FNDC7: variants seen among roughly 807,000 people sequenced by gnomAD.
FNDC7 encodes fibronectin type III domain-containing protein 7.
A neutral mutation model predicts 74.2 loss-of-function variants in FNDC7; 66 were observed. The observed-to-expected ratio is 0.89, with a 90% confidence interval of 0.73 to 1.09. The LOEUF (loss-of-function observed/expected upper bound fraction) is 1.09, where lower values mean the gene tolerates loss of function less well. FNDC7 is among the 50% of genes least tolerant of loss of function. The probability of loss-of-function intolerance (pLI) is 0.00; values close to 1 mark genes in which losing one functional copy is unlikely to be tolerated. For missense variants in FNDC7, 829 were observed against 893.4 expected, an observed-to-expected ratio of 0.93 and a Z score of 0.92; for synonymous variants, 307 against 330.2, an observed-to-expected ratio of 0.93 and a Z score of 0.76.
At chr1:108,740,386 G>C (rs535866069) in intron 11 of FNDC7, among the ~76,000 whole-genome samples, 11 of 137,014 alleles carry the variant, frequency 8.0e-5, no homozygotes, top group African/African-American at 3.0e-4. Context: ...GGAGTGCAGT[G>C]GTGCAATCTC....
At chr1:108,738,343 C>T (rs1428840211) in intron 11 of FNDC7, among the ~76,000 whole-genome samples, 2 of 152,040 alleles carry the variant, frequency 1.3e-5, no homozygotes, top group Admixed American at 6.6e-5. Context: ...TTTTGGTTGC[C>T]CCCACAGAGA....
At chr1:108,723,697 A>G (rs547056652) in intron 5 of FNDC7, among the ~76,000 whole-genome samples, 1 of 152,328 alleles carries the variant, frequency 6.6e-6, no homozygotes, top group African/African-American at 2.4e-5. Flanking sequence ...AGCAGTTCTG[A>G]GTTACGCAGT....
chr1:108,733,649 C>CTTTTTTT (rs397981150), intron 10 of FNDC7, 117 bp downstream of exon 10: 5 of 614,332 alleles, frequency 8.1e-6, no homozygotes, highest in Admixed American at 3.8e-5. Flanking sequence ...AAATTTCTTT[C>CTTTTTTT]TTTTTTTTTT....
intron 2 of FNDC7, among the ~76,000 whole-genome samples, chr1:108,715,767 A>G (rs1660959346): frequency 6.6e-6 from 1 of 152,230 alleles, no homozygotes; most frequent in Non-Finnish European, 1.5e-5. Flanking sequence ...TTTAAATTTC[A>G]AAGTAAATCC....
chr1:108,735,715 T>C (rs996400437), intron 10 of FNDC7, among the ~76,000 whole-genome samples: 12 of 152,262 alleles, frequency 7.9e-5, no homozygotes, highest in South Asian at 2.1e-4. Flanking sequence ...TTTGTACTTA[T>C]AGTACATTTA....
At chr1:108,731,155 C>G (rs1345525527) in intron 9 of FNDC7, among the ~76,000 whole-genome samples, 1 of 152,204 alleles carries the variant, frequency 6.6e-6, no homozygotes, top group Non-Finnish European at 1.5e-5. Context: ...CAATGTTCCT[C>G]TATGCTTTTT....
intron 11 of FNDC7, among the ~76,000 whole-genome samples, chr1:108,740,945 C>T (rs1366447562): frequency 2.6e-5 from 4 of 152,210 alleles, no homozygotes; most frequent in African/African-American, 9.6e-5. Flanking sequence ...TAACCTTGGT[C>T]CTCATAATAC....
At chr1:108,728,609 A>G (rs1334803550) in intron 7 of FNDC7, 23 bp from the exon 8 acceptor site, 4 of 1,612,858 alleles carry the variant, frequency 2.5e-6, no homozygotes, top group Admixed American at 1.7e-5. Flanking sequence ...TGCTGGTTCA[A>G]TTAATACTCT....
chr1:108,735,238 C>T (rs922091236), intron 10 of FNDC7, among the ~76,000 whole-genome samples: 2 of 152,204 alleles, frequency 1.3e-5, no homozygotes, highest in East Asian at 1.9e-4. Flanking sequence ...TCTCTTCATT[C>T]CCACAGCTAC....
At chr1:108,714,840 G>T (rs569536275) in intron 2 of FNDC7, among the ~76,000 whole-genome samples, 1 of 151,814 alleles carries the variant, frequency 6.6e-6, no homozygotes, top group African/African-American at 2.4e-5. Context: ...TGATCCGCCC[G>T]CCTCGGCCTC....
intron 10 of FNDC7, 58 bp from the exon 11 acceptor site, chr1:108,737,437 C>T (rs1375762887): frequency 4.3e-6 from 6 of 1,411,222 alleles, no homozygotes; most frequent in Non-Finnish European, 5.8e-6. Context: ...TAAATCTTCA[C>T]TATCTTAAAT....
intron 9 of FNDC7, among the ~76,000 whole-genome samples, chr1:108,731,146 A>C (rs889908868): frequency 1.3e-5 from 2 of 152,228 alleles, no homozygotes; most frequent in African/African-American, 4.8e-5. Context: ...CCCTAGTAAC[A>C]ATGTTCCTCT....
chr1:108,727,477 G>A (rs1001838591), intron 6 of FNDC7, among the ~76,000 whole-genome samples: 4 of 152,164 alleles, frequency 2.6e-5, no homozygotes, highest in Non-Finnish European at 5.9e-5. Flanking sequence ...GAGGGGAATG[G>A]CTTTCCAGTG....
intron 11 of FNDC7, among the ~76,000 whole-genome samples, chr1:108,740,548 G>A (rs1246787918): frequency 2.0e-5 from 3 of 151,972 alleles, no homozygotes; most frequent in Non-Finnish European, 4.4e-5. Flanking sequence ...GGCTGGTCTT[G>A]AACTCCTAGA....
chr1:108,720,230 G>A (rs901843967), intron 4 of FNDC7, among the ~76,000 whole-genome samples: 1 of 152,028 alleles, frequency 6.6e-6, no homozygotes, highest in Non-Finnish European at 1.5e-5. Context: ...CATTTGTTGA[G>A]GGCCCACTGT....
chr1:108,722,269 G>T (rs1661106488), intron 4 of FNDC7, 66 bp from the exon 5 acceptor site: 2 of 1,430,592 alleles, frequency 1.4e-6, no homozygotes, highest in East Asian at 2.5e-5. Context: ...CTGCAACATT[G>T]TTATGCCAAC....
intron 3 of FNDC7, 25 bp downstream of exon 3, chr1:108,718,056 C>T (rs756141085): frequency 5.6e-5 from 87 of 1,548,120 alleles, no homozygotes; most frequent in East Asian, 1.2e-4. Context: ...GCTCATCCTC[C>T]GTTGAGTGTT....
chr1:108,727,068 G>T (rs189557864), intron 6 of FNDC7, among the ~76,000 whole-genome samples: 3 of 152,268 alleles, frequency 2.0e-5, no homozygotes, highest in Admixed American at 2.0e-4. Context: ...GTTCACGCCT[G>T]TAATCCCAAC....
chr1:108,733,630 G>A, intron 10 of FNDC7, 98 bp downstream of exon 10: 1 of 1,053,864 alleles, frequency 9.5e-7, no homozygotes, highest in African/African-American at 1.6e-5. Flanking sequence ...GAAGGGCACA[G>A]AGGGTATAAA....
Sources: gnomAD v4.1 joint callset for allele counts (sites outside exome capture counted in the v4.1 genomes callset) on GRCh38, gnomAD v4.1.1 for gene constraint, MANE v1.5 for transcripts, NCBI Gene and HGNC (gene_info 2026-07-23, HGNC 2026-07-21) for gene names.